NAA11: variants seen among roughly 807,000 people sequenced by gnomAD.
The protein encoded by NAA11 is N-alpha-acetyltransferase 11.
Under a neutral mutation model 16.1 loss-of-function variants are expected in NAA11, and 15 were observed. That is an observed-to-expected ratio of 0.93 (90% CI 0.62 to 1.44). NAA11 has a LOEUF of 1.44. Ranked by LOEUF, NAA11 falls within the 40% of genes most tolerant of loss-of-function variation. The probability of loss-of-function intolerance (pLI) is 0.00; values close to 1 mark genes in which losing one functional copy is unlikely to be tolerated. For synonymous variants in NAA11, 122 were observed against 112.4 expected, an observed-to-expected ratio of 1.09 and a Z score of -0.54; for missense variants, 298 against 291.3, an observed-to-expected ratio of 1.02 and a Z score of -0.17.
chr4:79,185,847 G>A, the NAA11 span, among the ~76,000 whole-genome samples: 1 of 151,800 alleles, frequency 6.6e-6, no homozygotes. Context: ...AGCTGGTTAA[G>A]TAAGTATGGC....
chr4:79,281,374 G>A (rs1221728041), intron 2 of NAA11, among the ~76,000 whole-genome samples: 1 of 151,654 alleles, frequency 6.6e-6, no homozygotes, highest in African/African-American at 2.4e-5. Flanking sequence ...GAGTTGTCAG[G>A]ACTTGGCATC....
At chr4:79,309,424 T>G (rs1642828595) in intron 1 of NAA11, among the ~76,000 whole-genome samples, 1 of 152,226 alleles carries the variant, frequency 6.6e-6, no homozygotes, top group South Asian at 2.1e-4. Flanking sequence ...GGATTTGCAA[T>G]GCTCAGGATT....
chr4:79,168,893 C>A, the NAA11 span, among the ~76,000 whole-genome samples: 1 of 152,154 alleles, frequency 6.6e-6, no homozygotes, highest in African/African-American at 2.4e-5. Flanking sequence ...AGCTGATAAG[C>A]AACTTTAGTA....
chr4:79,234,960 G>A (rs1182260344), intron 2 of NAA11, among the ~76,000 whole-genome samples: 1 of 151,990 alleles, frequency 6.6e-6, no homozygotes, highest in Non-Finnish European at 1.5e-5. Flanking sequence ...AGCATTGTGA[G>A]ACAGTTTGTA....
chr4:79,281,200 A>T (rs1425817935), intron 2 of NAA11, among the ~76,000 whole-genome samples: 3 of 151,976 alleles, frequency 2.0e-5, no homozygotes, highest in Non-Finnish European at 4.4e-5. Flanking sequence ...CAAATGGCAA[A>T]CATGGGCAGT....
chr4:79,208,599 G>A, the NAA11 span, among the ~76,000 whole-genome samples: 32 of 152,036 alleles, frequency 2.1e-4, no homozygotes, highest in African/African-American at 6.8e-4. Flanking sequence ...GAGAGATTAA[G>A]TCCAGGAAGT....
At chr4:79,267,094 G>C (rs533061130) in intron 2 of NAA11, among the ~76,000 whole-genome samples, 4 of 152,274 alleles carry the variant, frequency 2.6e-5, no homozygotes, top group African/African-American at 7.2e-5. Context: ...CCTTTGAGTA[G>C]ATATAAATAT....
chr4:79,201,928 CATA>C, the NAA11 span, among the ~76,000 whole-genome samples: 7 of 151,688 alleles, frequency 4.6e-5, no homozygotes, highest in East Asian at 7.8e-4. Context: ...ATAATTGACA[CATA>C]ATAATTGTAC....
intron 2 of NAA11, among the ~76,000 whole-genome samples, chr4:79,233,308 G>A (rs868391218): frequency 6.6e-6 from 1 of 151,728 alleles, no homozygotes; most frequent in African/African-American, 2.4e-5. Flanking sequence ...TTTTTAAGAT[G>A]GCCTCCAAAA....
intron 2 of NAA11, among the ~76,000 whole-genome samples, chr4:79,257,287 T>G (rs550163509): frequency 3.3e-5 from 5 of 152,342 alleles, no homozygotes; most frequent in African/African-American, 1.2e-4. Flanking sequence ...TTTGTTGATC[T>G]TTCTCTAGTC....
the NAA11 span, among the ~76,000 whole-genome samples, chr4:79,194,357 A>T: frequency 2.6e-5 from 4 of 152,210 alleles, no homozygotes; most frequent in East Asian, 3.9e-4. Context: ...TGACACTTTA[A>T]TAAAAGAAAC....
At chr4:79,238,539 T>C (rs1254212071) in intron 2 of NAA11, among the ~76,000 whole-genome samples, 1 of 152,158 alleles carries the variant, frequency 6.6e-6, no homozygotes, top group East Asian at 1.9e-4. Context: ...ATATGTATGA[T>C]ATATATTAGC....
chr4:79,174,719 A>G, the NAA11 span, among the ~76,000 whole-genome samples: 1 of 152,188 alleles, frequency 6.6e-6, no homozygotes, highest in Non-Finnish European at 1.5e-5. Context: ...GGTATAAAAC[A>G]TCTGTGAATT....
rs556166444 is a variant in NAA11, at chr4:79,320,360, C to G, written c.*13-2569G>C. Among the ~76,000 whole-genome samples, 3 of 152,310 alleles carry G rather than the reference C, an allele frequency of 2.0e-5. No homozygotes were observed. In the South Asian group the frequency reaches 6.2e-4, roughly 32 times the overall value. On this transcript the variant is annotated intron_variant, in intron 1 of 1. Transcript: ENST00000286794. ...AAGAGAACCTGAAAAGTTACTCTTA[C>G]TATCGATTATATTAAGAGCTAAAAT...
chr4:79,216,778 T>A, the NAA11 span, among the ~76,000 whole-genome samples: 3 of 152,160 alleles, frequency 2.0e-5, no homozygotes, highest in African/African-American at 7.2e-5. Flanking sequence ...GAGCTTCCTA[T>A]TCACCTAAGG....
chr4:79,206,017 G>A, the NAA11 span, among the ~76,000 whole-genome samples: 1 of 152,124 alleles, frequency 6.6e-6, no homozygotes, highest in Non-Finnish European at 1.5e-5. Context: ...CTATAGCCTT[G>A]TAGTATAATT....
intron 1 of NAA11, among the ~76,000 whole-genome samples, chr4:79,311,580 TC>T (rs1423572870): frequency 1.2e-4 from 18 of 152,334 alleles, no homozygotes; most frequent in African/African-American, 4.3e-4. Context: ...AGGGTTGCTA[TC>T]TTTATAAAGC....
chr4:79,274,760 A>G lies in NAA11; in HGVS notation c.*122+19245T>C, dbSNP rs534093583. Among the ~76,000 whole-genome samples the G allele has an allele frequency of 2.6e-5, 4 of 152,190 alleles. No homozygotes were observed. The South Asian group carries it at 8.3e-4, about 32-fold the overall frequency. On this transcript the variant is annotated intron_variant and NMD_transcript_variant, in intron 2 of 2. Transcript: ENST00000511542. ...TTAGTTACTGTTATTATTATTGAAC[A>G]CATACTGTGTGTTTGGCATGACTAA...
At chr4:79,218,796 C>T in the NAA11 span, among the ~76,000 whole-genome samples, 1 of 152,036 alleles carries the variant, frequency 6.6e-6, no homozygotes, top group African/African-American at 2.4e-5. Flanking sequence ...AACATAGCTA[C>T]AATCTTGGTC....
Sources: gnomAD v4.1 joint callset for allele counts (sites outside exome capture counted in the v4.1 genomes callset) on GRCh38, gnomAD v4.1.1 for gene constraint, MANE v1.5 for transcripts, NCBI Gene and HGNC (gene_info 2026-07-23, HGNC 2026-07-21) for gene names.